Variants in ZNF695 observed in about 807,000 individuals in gnomAD.
ZNF695 encodes zinc finger protein 695.
In ZNF695, 11 loss-of-function variants were observed where a neutral mutation model predicts 11.2. The observed-to-expected ratio is 0.98, with a 90% confidence interval of 0.62 to 1.62. ZNF695 has a LOEUF of 1.62. ZNF695 is among the 40% of genes most tolerant of loss of function. ZNF695 has a pLI of 0.00. For missense variants in ZNF695, 559 were observed against 590.5 expected (o/e 0.95, Z 0.55); for synonymous variants, 190 against 201.4 (o/e 0.94, Z 0.48).
chr1:246,966,855 G>A (rs778351649), intron 5 of ZNF695: 23 of 456,650 alleles, frequency 5.0e-5, no homozygotes, highest in Non-Finnish European at 9.3e-5. Context: ...TTTACTCTAA[G>A]TGAGATAGTG....
chr1:246,977,296 G>A (rs577196106), intron 4 of ZNF695, among the ~76,000 whole-genome samples: 48 of 152,188 alleles, frequency 3.2e-4, no homozygotes, highest in Admixed American at 4.6e-4. Context: ...TCGGTCTGTC[G>A]CCCAGGCTGG....
At chr1:246,993,411 A>C (rs1236437762) in intron 3 of ZNF695, among the ~76,000 whole-genome samples, 1 of 152,068 alleles carries the variant, frequency 6.6e-6, no homozygotes, top group Non-Finnish European at 1.5e-5. Flanking sequence ...TCTGTCTCAA[A>C]AAACAAACAA....
rs146775841 is a variant in ZNF695 at position 246,946,219 on chromosome 1, T to C, written c.489-392A>G. Among the ~76,000 whole-genome samples the C allele has an allele frequency of 4.5e-3, 678 of 152,280 alleles. 6 individuals carry two copies. Among genetic ancestry groups the C allele is most frequent in the African/African-American group, 0.015 (632 of 41,552 alleles). On this transcript the variant is annotated intron_variant, in intron 5 of 5. Coordinates refer to the ZNF695 transcript ENST00000487338. ...AATCCCACGTCCCATCCCATCTTGA[T>C]TGCTTTCTGATTTTTCTTGAGTCTA...
At position 246,986,548 on chromosome 1, in the gene ZNF695, A is replaced by G; in HGVS notation, c.*419T>C. 6.0e-6 allele frequency: 6 copies of G among 991,750 alleles called. No homozygotes were observed. The highest frequency in any genetic ancestry group is 7.2e-6 in the Non-Finnish European group (6 of 834,246). 61.4% of individuals were successfully genotyped at this position (991,750 alleles called of 1,614,324 possible). ...TGGATGTGTTTTGATGTAATTTTTG[A>G]TTAGACATTTTTTCACATTTACTGC... On this transcript the variant is annotated 3_prime_UTR_variant, in exon 4 of 4. Coordinates refer to ENST00000339986, the MANE Select transcript of ZNF695 (RefSeq NM_020394.5).
At chr1:247,002,260 G>T (rs1669408951) in intron 1 of ZNF695, among the ~76,000 whole-genome samples, 2 of 151,934 alleles carry the variant, frequency 1.3e-5, no homozygotes, top group South Asian at 4.2e-4. Flanking sequence ...TGAAATTAAG[G>T]CAGAAATGAA....
intron 3 of ZNF695, 60 bp downstream of exon 3, chr1:246,999,288 C>T: frequency 7.2e-7 from 1 of 1,388,536 alleles, no homozygotes; most frequent in Non-Finnish European, 1.0e-6. Context: ...AGTTTAAAGT[C>T]TGGCTTCTTC....
chr1:247,001,307 T>C (rs1180980365), intron 1 of ZNF695, among the ~76,000 whole-genome samples: 2 of 151,910 alleles, frequency 1.3e-5, no homozygotes, highest in Non-Finnish European at 2.9e-5. Flanking sequence ...GGCTAATGCC[T>C]GTAATCAGCA....
intron 5 of ZNF695, among the ~76,000 whole-genome samples, chr1:246,951,130 T>A (rs943516710): frequency 6.6e-6 from 1 of 152,088 alleles, no homozygotes; most frequent in African/African-American, 2.4e-5. Flanking sequence ...CGAGACACCC[T>A]CAGTATGTGT....
chr1:246,946,072 G>C (rs1667727140), intron 5 of ZNF695, among the ~76,000 whole-genome samples: 1 of 152,140 alleles, frequency 6.6e-6, no homozygotes, highest in South Asian at 2.1e-4. Context: ...CGGGAGGTTT[G>C]AGCTTTTATT....
chr1:246,958,220 G>A lies in ZNF695; in HGVS notation c.488+9475C>T, dbSNP rs543552550. On this transcript the variant is annotated intron_variant, in intron 5 of 5. Coordinates refer to the ZNF695 transcript ENST00000487338. ...ACTACAGGTGCACACCACCACGCCC[G>A]GCTAATTTTTTGTATTTTTAGTAGA... 4.6e-4 allele frequency among the ~76,000 whole-genome samples: 70 copies of A among 151,872 alleles called. No homozygotes were observed. The East Asian group carries it at 6.2e-3, about 14-fold the overall frequency.
chr1:246,945,737 C>T, exon 6 of ZNF695: 5 of 1,545,760 alleles, frequency 3.2e-6, no homozygotes, highest in Non-Finnish European at 4.4e-6. Flanking sequence ...GTAAATTCGC[C>T]TCACGGAGCA....
Position 246,999,360 on chromosome 1 carries a change from CT to C in ZNF695, c.246del (p.Ala83ProfsTer27). On this transcript the variant is annotated frameshift_variant, in exon 3 of 4. Transcript: ENST00000339986. LOFTEE classifies it low-confidence loss of function (END_TRUNC). Reference protein sequence around the residue: ...KEPWNVNTEKTARHSVLSSYL... With the variant: ...KEPWNVNTEKXARHSVLSSYL... ...CACTCCCACCTACCTGAGTGTCTGG[CT>C]GTCTTCTCTGTGTTCACGTTCCAGG... The C allele has an allele frequency of 6.2e-7, 1 of 1,613,746 alleles. No individual in the cohort carries two copies. The highest frequency in any genetic ancestry group is 8.5e-7 in the Non-Finnish European group (1 of 1,179,728).
At chr1:246,971,210 G>T (rs1166089537) in intron 4 of ZNF695, among the ~76,000 whole-genome samples, 1 of 152,194 alleles carries the variant, frequency 6.6e-6, no homozygotes, top group African/African-American at 2.4e-5. Context: ...TGGTAGCCCA[G>T]GCAGAGAGAG....
rs968155955 is a variant in ZNF695 at position 246,986,328 on chromosome 1, A to G, written c.*639T>C. On this transcript the variant is annotated 3_prime_UTR_variant, in exon 4 of 4. Transcript: ENST00000339986. ...AGCAATCCCCCGACCTCGGCATCCAAAAGTGCAGCAACTATAGGAAAGAGC... is the reference window on the plus strand; with the variant it reads ...AGCAATCCCCCGACCTCGGCATCCAGAAGTGCAGCAACTATAGGAAAGAGC... 1 of 976,022 alleles carries G rather than the reference A, an allele frequency of 1.0e-6. No homozygotes were observed. Among genetic ancestry groups the G allele is most frequent in the Non-Finnish European group, 1.2e-6 (1 of 821,402 alleles). The allele number at this position is 976,022 out of a possible 1,614,324, so 60.5% of individuals were successfully genotyped here.
chr1:246,978,608 T>C (rs1279144912), intron 4 of ZNF695, among the ~76,000 whole-genome samples: 1 of 152,214 alleles, frequency 6.6e-6, no homozygotes, highest in African/African-American at 2.4e-5. Flanking sequence ...TCATACATTT[T>C]TGGAGTTTTG....
At chr1:247,006,193 C>T (rs1669529174) in intron 1 of ZNF695, among the ~76,000 whole-genome samples, 1 of 149,552 alleles carries the variant, frequency 6.7e-6, no homozygotes, top group Non-Finnish European at 1.5e-5. Context: ...CCATTGCACT[C>T]CAGCCTGGGC....
chr1:246,956,073 C>T (rs1304058894), intron 5 of ZNF695, among the ~76,000 whole-genome samples: 1 of 151,056 alleles, frequency 6.6e-6, no homozygotes, highest in Non-Finnish European at 1.5e-5. Flanking sequence ...ACTGCAACCT[C>T]CACCTCCTGG....
At chr1:246,979,693 C>T (rs573981321) in intron 4 of ZNF695, 18 of 151,276 alleles carry the variant, frequency 1.2e-4, no homozygotes, top group African/African-American at 4.3e-4. Flanking sequence ...TATTTTTAGG[C>T]AATCTTTTTG....
intron 4 of ZNF695, among the ~76,000 whole-genome samples, chr1:246,974,108 T>C (rs1388856140): frequency 2.0e-5 from 3 of 151,322 alleles, no homozygotes; most frequent in Admixed American, 2.0e-4. Flanking sequence ...AGGCCATCCA[T>C]TGCTAACTTA....
Sources: allele counts gnomAD v4.1 joint callset (sites outside exome capture counted in the v4.1 genomes callset), GRCh38; gene constraint gnomAD v4.1.1; transcripts MANE v1.5; gene names NCBI Gene and HGNC (gene_info 2026-07-23, HGNC 2026-07-21).